Variants in NFIL3 observed in about 807,000 individuals in gnomAD.
The protein encoded by NFIL3 is nuclear factor, interleukin 3 regulated.
Under a neutral mutation model 10.0 loss-of-function variants are expected in NFIL3, and 5 were observed. The observed-to-expected ratio is 0.50, with a 90% confidence interval of 0.26 to 1.06. The LOEUF (loss-of-function observed/expected upper bound fraction) is 1.06. Ranked by LOEUF, NFIL3 falls within the 50% of genes least tolerant of loss-of-function variation. The pLI is 0.13. For synonymous variants in NFIL3, 202 were observed against 206.5 expected, an observed-to-expected ratio of 0.98 and a Z score of 0.19; for missense variants, 436 against 547.6, an observed-to-expected ratio of 0.80 and a Z score of 2.03.
the NFIL3 span, among the ~76,000 whole-genome samples, chr9:91,429,213 C>T: frequency 6.6e-6 from 1 of 152,186 alleles, no homozygotes; most frequent in Non-Finnish European, 1.5e-5. Flanking sequence ...GAAAGAGCTA[C>T]ACAGCTGCAA....
At chr9:91,418,619 G>A (rs1011508274) in intron 1 of NFIL3, among the ~76,000 whole-genome samples, 1 of 152,122 alleles carries the variant, frequency 6.6e-6, no homozygotes, top group Non-Finnish European at 1.5e-5. Flanking sequence ...CTTATTTGTA[G>A]TGTTTATTTG....
the NFIL3 span, among the ~76,000 whole-genome samples, chr9:91,460,188 G>A: frequency 6.6e-6 from 1 of 151,704 alleles, no homozygotes; most frequent in African/African-American, 2.4e-5. Flanking sequence ...CGGAGGAAGA[G>A]TGAGGGACCA....
chr9:91,435,547 T>A, the NFIL3 span, among the ~76,000 whole-genome samples: 3 of 152,168 alleles, frequency 2.0e-5, no homozygotes, highest in East Asian at 5.8e-4. Flanking sequence ...CGAGTCCACC[T>A]GCCTCTAGAG....
At chr9:91,445,608 G>A in the NFIL3 span, among the ~76,000 whole-genome samples, 1 of 152,128 alleles carries the variant, frequency 6.6e-6, no homozygotes, top group Non-Finnish European at 1.5e-5. Flanking sequence ...CATTGCCAGG[G>A]GCTCTAGTTC....
chr9:91,411,594 G>A (rs1265863704), intron 1 of NFIL3, among the ~76,000 whole-genome samples: 1 of 152,140 alleles, frequency 6.6e-6, no homozygotes, highest in East Asian at 1.9e-4. Flanking sequence ...AATTCCACCA[G>A]GTGACTCACT....
the NFIL3 span, among the ~76,000 whole-genome samples, chr9:91,469,762 G>T: frequency 6.6e-6 from 1 of 152,266 alleles, no homozygotes; most frequent in Admixed American, 6.5e-5. Context: ...TTTAGTCAAA[G>T]GCCTTTTCTG....
At chr9:91,481,852 T>G in the NFIL3 span, among the ~76,000 whole-genome samples, 1 of 152,160 alleles carries the variant, frequency 6.6e-6, no homozygotes, top group Admixed American at 6.5e-5. Flanking sequence ...AGTCATAAAA[T>G]ATTAATAGAT....
At chr9:91,447,107 C>T in the NFIL3 span, among the ~76,000 whole-genome samples, 1 of 152,170 alleles carries the variant, frequency 6.6e-6, no homozygotes, top group Non-Finnish European at 1.5e-5. Flanking sequence ...TGAGCCACTG[C>T]GCCCGGCCCT....
the NFIL3 span, among the ~76,000 whole-genome samples, chr9:91,461,794 G>A: frequency 1.3e-5 from 2 of 152,094 alleles, no homozygotes; most frequent in African/African-American, 2.4e-5. Context: ...TTTCCTCATC[G>A]CAATGTCCTT....
the NFIL3 span, among the ~76,000 whole-genome samples, chr9:91,460,139 AGAG>A: frequency 6.6e-6 from 1 of 152,122 alleles, no homozygotes; most frequent in African/African-American, 2.4e-5. Flanking sequence ...GAGTAGAGTC[AGAG>A]GAGAAGGCTG....
upstream of NFIL3, among the ~76,000 whole-genome samples, chr9:91,425,642 TCATA>T (rs766062393): frequency 2.6e-5 from 4 of 152,244 alleles, no homozygotes; most frequent in South Asian, 4.1e-4. Context: ...TCCACTTTTC[TCATA>T]CATATATAAT....
the NFIL3 span, among the ~76,000 whole-genome samples, chr9:91,474,355 T>C: frequency 6.6e-6 from 1 of 152,200 alleles, no homozygotes; most frequent in Non-Finnish European, 1.5e-5. Flanking sequence ...TCTAATATTT[T>C]ATTGAAGGCT....
At chr9:91,419,079 C>T (rs2989836) in intron 1 of NFIL3, among the ~76,000 whole-genome samples, 77,622 of 151,916 alleles carry the variant, frequency 0.51, 21,072 homozygotes, top group African/African-American at 0.71. Context: ...TATTAAACCC[C>T]GTGAAATACA....
chr9:91,430,449 C>A, the NFIL3 span, among the ~76,000 whole-genome samples: 3 of 152,014 alleles, frequency 2.0e-5, no homozygotes, highest in Admixed American at 2.0e-4. Flanking sequence ...CTAAGCCAGG[C>A]CCTTAGAGGT....
upstream of NFIL3, among the ~76,000 whole-genome samples, chr9:91,425,672 C>T (rs1833865350): frequency 2.6e-5 from 4 of 152,180 alleles, no homozygotes; most frequent in African/African-American, 7.2e-5. Context: ...AAGATGTGGT[C>T]TTACTATGTT....
At chr9:91,479,094 C>T in the NFIL3 span, among the ~76,000 whole-genome samples, 2 of 152,150 alleles carry the variant, frequency 1.3e-5, no homozygotes, top group Admixed American at 6.5e-5. Flanking sequence ...CCTGCTGGGA[C>T]GTGTCTCCCA....
chr9:91,478,518 G>A, the NFIL3 span, among the ~76,000 whole-genome samples: 2 of 151,744 alleles, frequency 1.3e-5, no homozygotes, highest in Non-Finnish European at 2.9e-5. Flanking sequence ...TCTCTAAGCC[G>A]GTTATTCTAG....
At chr9:91,422,225 C>G (rs571993123) in intron 1 of NFIL3, among the ~76,000 whole-genome samples, 58 of 152,304 alleles carry the variant, frequency 3.8e-4, no homozygotes, top group African/African-American at 1.4e-3. Flanking sequence ...AAAATACAAT[C>G]TTATCAAAGG....
the NFIL3 span, among the ~76,000 whole-genome samples, chr9:91,467,302 A>G: frequency 1.3e-5 from 2 of 152,132 alleles, no homozygotes; most frequent in Non-Finnish European, 2.9e-5. Context: ...ATGTGTGTAT[A>G]TATACACAAA....
Sources: gnomAD v4.1 joint callset for allele counts (sites outside exome capture counted in the v4.1 genomes callset) on GRCh38, gnomAD v4.1.1 for gene constraint, MANE v1.5 for transcripts, NCBI Gene and HGNC (gene_info 2026-07-23, HGNC 2026-07-21) for gene names.